CLVS1: variants seen among roughly 807,000 people sequenced by gnomAD.
CLVS1 encodes the protein clavesin 1.
In CLVS1, 10 loss-of-function variants were observed where a neutral mutation model predicts 33.1. The observed-to-expected ratio is 0.30, with a 90% CI of 0.19 to 0.51. CLVS1 has a LOEUF of 0.51. Ranked by LOEUF, CLVS1 falls within the 20% of genes least tolerant of loss-of-function variation. The probability of loss-of-function intolerance (pLI) is 0.97; values close to 1 mark genes in which losing one functional copy is unlikely to be tolerated. For missense variants in CLVS1, 343 were observed against 433.4 expected (o/e 0.79, Z 1.85); for synonymous variants, 163 against 166.1 (o/e 0.98, Z 0.14).
intron 2 of CLVS1, among the ~76,000 whole-genome samples, chr8:61,182,957 A>G (rs544785831): frequency 6.6e-6 from 1 of 152,298 alleles, no homozygotes; most frequent in East Asian, 1.9e-4. Context: ...CACGAAATAC[A>G]ATGCAGTCAT....
At chr8:61,091,617 A>G (rs1286340248) in intron 1 of CLVS1, among the ~76,000 whole-genome samples, 1 of 152,236 alleles carries the variant, frequency 6.6e-6, no homozygotes, top group Non-Finnish European at 1.5e-5. Flanking sequence ...ACTACAAAAA[A>G]GAACTTGAGT....
rs1554548348 is a variant in CLVS1, at chr8:61,232,026, T to TG, written c.-151-67651_-151-67650insG. On this transcript the variant is annotated intron_variant, in intron 2 of 2. Transcript: ENST00000522621. The stretch of plus-strand genomic sequence containing the variant: ...AGGAGCCCTGAGGAAAGTTGTGGTT[T>TG]TTTTTTTTTTTTTTTTTTTTTTTTG... 6.4e-4 allele frequency among the ~76,000 whole-genome samples: 81 copies of TG among 125,856 alleles called. 2 individuals are homozygous for TG. The East Asian group carries it at 9.1e-3, about 14-fold the overall frequency. 82.6% of individuals were successfully genotyped at this position (125,856 alleles called of 152,430 possible).
At chr8:61,455,559 A>G (rs549460787) in intron 4 of CLVS1, among the ~76,000 whole-genome samples, 10 of 152,194 alleles carry the variant, frequency 6.6e-5, no homozygotes, top group African/African-American at 1.9e-4. Flanking sequence ...TTAAGACTGC[A>G]TAGTATTCCT....
intron 2 of CLVS1, among the ~76,000 whole-genome samples, chr8:61,239,153 CTG>C (rs1161822147): frequency 1.5e-4 from 23 of 152,132 alleles, no homozygotes; most frequent in Non-Finnish European, 4.4e-5. Context: ...ATGCTATTAA[CTG>C]CTTTGTTTAA....
At chr8:61,048,141 GC>G in the CLVS1 span, among the ~76,000 whole-genome samples, 1 of 152,126 alleles carries the variant, frequency 6.6e-6, no homozygotes, top group Non-Finnish European at 1.5e-5. Context: ...AGTTTAAATT[GC>G]AGTTGGACAA....
At chr8:61,157,544 C>T (rs139774572) in intron 2 of CLVS1, among the ~76,000 whole-genome samples, 2,514 of 152,122 alleles carry the variant, frequency 0.017, 29 homozygotes, top group African/African-American at 0.024. Flanking sequence ...AAAGAGCGAA[C>T]ATTAATTGTT....
At chr8:61,468,307 A>T (rs1207029887) in intron 5 of CLVS1, among the ~76,000 whole-genome samples, 1 of 152,214 alleles carries the variant, frequency 6.6e-6, no homozygotes, top group Non-Finnish European at 1.5e-5. Flanking sequence ...ATTTTAGTTT[A>T]AAAAATATAA....
chr8:61,350,360 A>G (rs930468198), intron 2 of CLVS1, among the ~76,000 whole-genome samples: 1 of 152,068 alleles, frequency 6.6e-6, no homozygotes, highest in African/African-American at 2.4e-5. Context: ...ATTTTCTTCA[A>G]TTCTCTCTAT....
chr8:61,008,200 C>T, the CLVS1 span, among the ~76,000 whole-genome samples: 1 of 151,608 alleles, frequency 6.6e-6, no homozygotes, highest in Non-Finnish European at 1.5e-5. Context: ...CGCGCAATTA[C>T]TTTGTTACAG....
intron 2 of CLVS1, among the ~76,000 whole-genome samples, chr8:61,177,613 A>C (rs1807143254): frequency 6.6e-6 from 1 of 152,104 alleles, no homozygotes; most frequent in Non-Finnish European, 1.5e-5. Context: ...AAGGTCAGAG[A>C]TTCCAGAGGA....
chr8:61,439,890 G>A lies in CLVS1; in HGVS notation c.631-14251G>A, dbSNP rs139939069. Among the ~76,000 whole-genome samples the A allele has an allele frequency of 5.3e-5, 8 of 152,178 alleles. No homozygotes were observed. In the East Asian group the frequency reaches 5.8e-4, roughly 11 times the overall value. On this transcript the variant is annotated intron_variant, in intron 3 of 5. Transcript: ENST00000325897. ...CATGTAGGGACCAACTCTTAAAGAC[G>A]CTCAAACATAGTCAAATATATTTCT...
chr8:61,297,080 A>G (rs1810239921), intron 1 of CLVS1, among the ~76,000 whole-genome samples: 1 of 152,162 alleles, frequency 6.6e-6, no homozygotes, highest in African/African-American at 2.4e-5. Flanking sequence ...AGCTTTTACC[A>G]AGGCACACAA....
At chr8:60,997,425 A>G in the CLVS1 span, among the ~76,000 whole-genome samples, 2 of 152,228 alleles carry the variant, frequency 1.3e-5, no homozygotes, top group Non-Finnish European at 2.9e-5. Flanking sequence ...GAACAAATAC[A>G]CAGACCAGCC....
chr8:61,375,889 T>G (rs1813620357), intron 2 of CLVS1, among the ~76,000 whole-genome samples: 2 of 152,362 alleles, frequency 1.3e-5, no homozygotes, highest in South Asian at 4.1e-4. Context: ...CAAATGGGCA[T>G]ATATGATGTG....
rs1236944572 is a variant in CLVS1, at chr8:61,272,532, C to T, written c.-151-27145C>T. ...GTTCTCTGTATTTCCTGAATCTGAACGTTGGCCTGCCTTGCTAGATTGGGG... is the reference window on the plus strand; with the variant it reads ...GTTCTCTGTATTTCCTGAATCTGAATGTTGGCCTGCCTTGCTAGATTGGGG... On this transcript the variant is annotated intron_variant, in intron 2 of 2. Coordinates refer to the CLVS1 transcript ENST00000522621. Among the ~76,000 whole-genome samples the T allele has an allele frequency of 1.1e-4, 17 of 151,994 alleles. 1 individual carries two copies. The East Asian group carries it at 2.3e-3, about 21-fold the overall frequency.
chr8:61,038,483 T>C, the CLVS1 span, among the ~76,000 whole-genome samples: 11 of 150,692 alleles, frequency 7.3e-5, no homozygotes, highest in Non-Finnish European at 1.5e-4. Flanking sequence ...CACGTATATA[T>C]ATATGTGATA....
intron 1 of CLVS1, among the ~76,000 whole-genome samples, chr8:61,090,610 A>C (rs758531920): frequency 3.3e-5 from 5 of 151,840 alleles, no homozygotes; most frequent in African/African-American, 7.3e-5. Context: ...AATGCAATGG[A>C]GTTTGCCTGG....
At chr8:61,350,629 A>G (rs1327872462) in intron 2 of CLVS1, among the ~76,000 whole-genome samples, 2 of 152,160 alleles carry the variant, frequency 1.3e-5, no homozygotes, top group East Asian at 3.9e-4. Flanking sequence ...TAGAAAATAC[A>G]TCTTCTCTTT....
At chr8:61,366,114 T>C (rs1813201086) in intron 2 of CLVS1, among the ~76,000 whole-genome samples, 1 of 152,306 alleles carries the variant, frequency 6.6e-6, no homozygotes, top group Admixed American at 6.5e-5. Flanking sequence ...CTCACTTCCA[T>C]TGGGATCATT....
Sources: gnomAD v4.1 joint callset for allele counts (sites outside exome capture counted in the v4.1 genomes callset) on GRCh38, gnomAD v4.1.1 for gene constraint, MANE v1.5 for transcripts, NCBI Gene and HGNC (gene_info 2026-07-23, HGNC 2026-07-21) for gene names.